RPS6KA5: variants seen among roughly 807,000 people sequenced by gnomAD.
RPS6KA5 encodes ribosomal protein S6 kinase alpha-5.
A neutral mutation model predicts 85.5 loss-of-function variants in RPS6KA5; 27 were observed. The observed-to-expected ratio is 0.32, with a 90% CI of 0.23 to 0.44. The LOEUF is 0.44. Among genes scored for constraint, RPS6KA5 ranks in the 20% least tolerant of loss-of-function variants. The pLI is 1.00. For synonymous variants in RPS6KA5, 334 were observed against 348.2 expected, an observed-to-expected ratio of 0.96 and a Z score of 0.46; for missense variants, 811 against 980.9, an observed-to-expected ratio of 0.83 and a Z score of 2.31.
At chr14:91,025,163 G>GC (rs1008781840) in intron 1 of RPS6KA5, among the ~76,000 whole-genome samples, 8 of 151,998 alleles carry the variant, frequency 5.3e-5, no homozygotes, top group African/African-American at 1.4e-4. Flanking sequence ...TCCTGTCTCA[G>GC]CCCCCCGAGT....
intron 1 of RPS6KA5, among the ~76,000 whole-genome samples, chr14:91,026,158 G>T (rs185487494): frequency 6.6e-6 from 1 of 152,290 alleles, no homozygotes; most frequent in East Asian, 1.9e-4. Flanking sequence ...CATCCATGTT[G>T]CTGCAAAGGA....
chr14:90,994,830 C>T (rs969637965), intron 2 of RPS6KA5, among the ~76,000 whole-genome samples: 17 of 152,022 alleles, frequency 1.1e-4, no homozygotes, highest in African/African-American at 3.9e-4. Flanking sequence ...CCTCGGCCTC[C>T]CAAAGTGCTG....
At chr14:90,924,574 A>G (rs2036563193) in intron 5 of RPS6KA5, among the ~76,000 whole-genome samples, 1 of 152,228 alleles carries the variant, frequency 6.6e-6, no homozygotes, top group Admixed American at 6.5e-5. Context: ...TTTCTCAAGG[A>G]GACAACCTAT....
At position 90,862,306 on chromosome 14, in the gene RPS6KA5, C is replaced by G. The variant is rs751900211; in HGVS notation, c.*9768G>C. 6.6e-6 allele frequency: 1 copy of G among 151,628 alleles called. No individual in the cohort carries two copies. The highest frequency in any genetic ancestry group is 1.9e-4 in the East Asian group (1 of 5,168). 9.4% of individuals were successfully genotyped at this position (151,628 alleles called of 1,614,324 possible). A position where few individuals can be genotyped will look rare whatever the true frequency, so the allele number is the denominator to read the frequency against. ...CAGGAGGAATAATATCAGGTGCAAA[C>G]TCTTCCAGAGTGTAGAAAAAAAGGG... On this transcript the variant is annotated 3_prime_UTR_variant, in exon 17 of 17. Transcript: ENST00000614987.
At position 90,894,084 on chromosome 14, in the gene RPS6KA5, T is replaced by C. The variant is rs138378240; in HGVS notation, c.1644+329A>G. 260 of 967,438 alleles carry C rather than the reference T, an allele frequency of 2.7e-4. 2 individuals carry two copies. The Admixed American group carries it at 3.9e-3, about 15-fold the overall frequency. 59.9% of individuals were successfully genotyped at this position (967,438 alleles called of 1,614,324 possible). A position where few individuals can be genotyped will look rare whatever the true frequency, so the allele number is the denominator to read the frequency against. On this transcript the variant is annotated intron_variant, in intron 13 of 16. Coordinates refer to ENST00000614987, the MANE Select transcript of RPS6KA5 (RefSeq NM_004755.4). Reference sequence around the variant, plus strand: ...TTGGAAAAAAAACCCTCTAAAATTATATGTAAGAGATATTATTTTCTGCTA... The same window carrying C: ...TTGGAAAAAAAACCCTCTAAAATTACATGTAAGAGATATTATTTTCTGCTA...
intron 5 of RPS6KA5, among the ~76,000 whole-genome samples, chr14:90,937,407 AT>A (rs1016872611): frequency 9.2e-5 from 14 of 151,834 alleles, no homozygotes; most frequent in Non-Finnish European, 2.1e-4. Flanking sequence ...GTATTCTGAG[AT>A]TTTTTTTCCT....
chr14:90,912,675 T>C (rs1310164350), intron 7 of RPS6KA5, among the ~76,000 whole-genome samples: 1 of 152,162 alleles, frequency 6.6e-6, no homozygotes, highest in Non-Finnish European at 1.5e-5. Flanking sequence ...ACTTCACTTT[T>C]GGTGTTACTG....
intron 1 of RPS6KA5, among the ~76,000 whole-genome samples, chr14:91,025,457 A>G (rs1042286545): frequency 6.6e-6 from 1 of 152,184 alleles, no homozygotes; most frequent in Admixed American, 6.5e-5. Context: ...CCCTAATTAC[A>G]TGTAATCTGA....
intron 7 of RPS6KA5, among the ~76,000 whole-genome samples, chr14:90,912,826 C>T (rs2035898477): frequency 6.6e-6 from 1 of 151,736 alleles, no homozygotes. Flanking sequence ...TCTCACCCAC[C>T]CAGTAACTCT....
At chr14:90,981,586 T>A (rs2039791679) in intron 2 of RPS6KA5, among the ~76,000 whole-genome samples, 1 of 152,260 alleles carries the variant, frequency 6.6e-6, no homozygotes, top group Non-Finnish European at 1.5e-5. Flanking sequence ...TGCCATGTGA[T>A]AACATCAAGA....
chr14:91,029,885 C>T (rs2042118152), intron 1 of RPS6KA5, among the ~76,000 whole-genome samples: 2 of 152,166 alleles, frequency 1.3e-5, no homozygotes, highest in Admixed American at 6.5e-5. Flanking sequence ...ATGGTAAAAA[C>T]ATTTCCATAC....
Position 90,906,154 on chromosome 14 carries a change from A to G in RPS6KA5, c.952T>C (p.Phe318Leu). 1 of 1,594,036 alleles carries G rather than the reference A, an allele frequency of 6.3e-7. No individual in the cohort carries two copies. Among genetic ancestry groups the G allele is most frequent in the Admixed American group, 1.7e-5 (1 of 58,948 alleles). ...DADEIKEHLF[F>L]QKINWDDLAA... ...TATCTATTCAATAATTTCACCTGAA[A>G]GAAGAGATGTTCTTTGATTTCATCT... Residue 318 changes from phenylalanine to leucine, a missense_variant, in exon 8 of 17, where the codon TTT becomes CTT. Transcript: ENST00000614987.
Position 90,852,646 on chromosome 14 carries a change from T to A in RPS6KA5, c.*19428A>T, listed in dbSNP as rs2032059054. ...CCAGTTTGCCACATGAAAGGCATAC[T>A]TCCAACTTTTATTTTATCCACATTA... On this transcript the variant is annotated 3_prime_UTR_variant, in exon 17 of 17. Transcript: ENST00000614987. 6.6e-6 allele frequency: 1 copy of A among 152,148 alleles called. No homozygotes were observed. The highest frequency in any genetic ancestry group is 1.5e-5 in the Non-Finnish European group (1 of 68,024). 9.4% of individuals were successfully genotyped at this position (152,148 alleles called of 1,614,324 possible).
At position 90,863,020 on chromosome 14, in the gene RPS6KA5, T is replaced by G. The variant is rs559625474; in HGVS notation, c.*9054A>C. The stretch of plus-strand genomic sequence containing the variant: ...TAAAAAAATTAAATAAAACATAATA[T>G]TGGGCTGGGTGAGGTGGCTCATGCC... On this transcript the variant is annotated 3_prime_UTR_variant, in exon 17 of 17. Transcript: ENST00000614987. The G allele has an allele frequency of 6.6e-6, 1 of 151,824 alleles. No individual in the cohort carries two copies. Among genetic ancestry groups the G allele is most frequent in the South Asian group, 2.1e-4 (1 of 4,808 alleles). 9.4% of individuals were successfully genotyped at this position (151,824 alleles called of 1,614,324 possible). A position where few individuals can be genotyped will look rare whatever the true frequency, so the allele number is the denominator to read the frequency against.
intron 1 of RPS6KA5, among the ~76,000 whole-genome samples, chr14:91,027,903 C>A (rs999177661): frequency 6.6e-5 from 10 of 152,176 alleles, no homozygotes; most frequent in African/African-American, 2.4e-4. Context: ...GATGGAGAGC[C>A]AGAATCTCCA....
rs1026882315 is a variant in RPS6KA5, at chr14:90,912,575, G to C, written c.807-6276C>G. 5.5e-4 allele frequency among the ~76,000 whole-genome samples: 84 copies of C among 152,216 alleles called. 1 individual carries two copies. The highest frequency in any genetic ancestry group is 5.5e-3 in the Admixed American group (84 of 15,288). On this transcript the variant is annotated intron_variant, in intron 7 of 16. Coordinates refer to ENST00000614987, the MANE Select transcript of RPS6KA5 (RefSeq NM_004755.4). ...ACAATGTGGGTGACTTCTCAGCACA[G>C]AGGCTGGCACACAGCGGTCCCCAGG...
At chr14:91,002,372 A>C (rs1057061421) in intron 1 of RPS6KA5, among the ~76,000 whole-genome samples, 1 of 152,154 alleles carries the variant, frequency 6.6e-6, no homozygotes, top group African/African-American at 2.4e-5. Flanking sequence ...CAATTCTTTC[A>C]AATTCTCTGT....
chr14:90,980,209 C>T (rs1343242764), intron 2 of RPS6KA5, among the ~76,000 whole-genome samples: 1 of 152,200 alleles, frequency 6.6e-6, no homozygotes, highest in Non-Finnish European at 1.5e-5. Flanking sequence ...ATATTATGCA[C>T]TACACCTTCC....
At chr14:90,904,906 C>G (rs574026162) in intron 8 of RPS6KA5, among the ~76,000 whole-genome samples, 2 of 152,252 alleles carry the variant, frequency 1.3e-5, no homozygotes, top group Admixed American at 1.3e-4. Flanking sequence ...AGAAAAAGAT[C>G]CTAGGAAAAT....
Sources: gnomAD v4.1 joint callset for allele counts (sites outside exome capture counted in the v4.1 genomes callset) on GRCh38, gnomAD v4.1.1 for gene constraint, MANE v1.5 for transcripts, NCBI Gene and HGNC (gene_info 2026-07-23, HGNC 2026-07-21) for gene names.